Variants in APOL1 observed in about 807,000 individuals in gnomAD.
APOL1 encodes the protein apolipoprotein L1.
A neutral mutation model predicts 14.9 loss-of-function variants in APOL1; 17 were observed. The observed-to-expected ratio is 1.14, with a 90% CI of 0.78 to 1.71. The LOEUF (loss-of-function observed/expected upper bound fraction) is 1.71, where lower values mean the gene tolerates loss of function less well. Ranked by LOEUF, APOL1 falls within the 40% of genes most tolerant of loss-of-function variation. The probability of loss-of-function intolerance (pLI) is 0.00; values close to 1 mark genes in which losing one functional copy is unlikely to be tolerated. For synonymous variants in APOL1, 195 were observed against 184.8 expected (o/e 1.05, Z -0.45); for missense variants, 523 against 485.9 (o/e 1.08, Z -0.72).
At chr22:36,257,602 A>G (rs1459273512) in intron 4 of APOL1, 195 bp downstream of exon 4, 6 of 556,248 alleles carry the variant, frequency 1.1e-5, no homozygotes, top group East Asian at 3.0e-5. Flanking sequence ...ACCTCTCCTT[A>G]GGGTGACACG....
In APOL1 at chr22:36,265,676, G is replaced by T; in HGVS notation, c.840G>T (p.Gly280=). 6.2e-7 allele frequency: 1 copy of T among 1,605,172 alleles called. No homozygotes were observed. The highest frequency in any genetic ancestry group is 1.7e-4 in the Middle Eastern group (1 of 6,008). ...CTTACCAACTCACACGAGGCATTGGGAAGGACATCCGTGCCCTCAGACGAG... is the reference window on the plus strand; with the variant it reads ...CTTACCAACTCACACGAGGCATTGGTAAGGACATCCGTGCCCTCAGACGAG... ...GNTYQLTRGI[G]KDIRALRRAR... is the part of the protein sequence containing the mutation. The change falls in exon 6 of 6, where the codon GGG becomes GGT. Residue 280 remains glycine, a synonymous_variant. Coordinates refer to ENST00000397278, the MANE Select transcript of APOL1 (RefSeq NM_003661.4).
At chr22:36,263,827 C>T (rs983924407) in intron 5 of APOL1, among the ~76,000 whole-genome samples, 1 of 151,972 alleles carries the variant, frequency 6.6e-6, no homozygotes, top group Non-Finnish European at 1.5e-5. Flanking sequence ...AGGGTGGGGG[C>T]GGGAGATGGA....
chr22:36,255,056 A>C (rs990948412), intron 2 of APOL1, 57 bp downstream of exon 2: 56 of 1,571,936 alleles, frequency 3.6e-5, no homozygotes, highest in Non-Finnish European at 4.3e-5. Context: ...TGGGCTGCAC[A>C]ATTGGACTGG....
At position 36,266,346 on chromosome 22, in the gene APOL1, C is replaced by T; in HGVS notation, c.*313C>T. 2.5e-6 allele frequency: 1 copy of T among 399,288 alleles called. No homozygotes were observed. The highest frequency in any genetic ancestry group is 4.4e-6 in the Non-Finnish European group (1 of 225,980). The allele number at this position is 399,288 out of a possible 1,614,324, so 24.7% of individuals were successfully genotyped here. A position where few individuals can be genotyped will look rare whatever the true frequency, so the allele number is the denominator to read the frequency against. ...CCTCTTGATCTGCCCACCTTGGCCT[C>T]CCAAAGTGCTGGGATTACAGGCGTG... On this transcript the variant is annotated 3_prime_UTR_variant, in exon 6 of 6. Coordinates refer to ENST00000397278, the MANE Select transcript of APOL1 (RefSeq NM_003661.4).
chr22:36,253,301 C>A, intron 1 of APOL1, 82 bp downstream of exon 1: 1 of 281,330 alleles, frequency 3.6e-6, no homozygotes. Flanking sequence ...GTGACTGGTT[C>A]AGATAGACAG....
At chr22:36,254,756 G>C (rs1162918126) in intron 1 of APOL1, 181 bp from the exon 2 acceptor site, 2 of 645,422 alleles carry the variant, frequency 3.1e-6, no homozygotes, top group African/African-American at 1.8e-5. Flanking sequence ...CCAGCTACTC[G>C]GGAGGCTGAG....
intron 2 of APOL1, among the ~76,000 whole-genome samples, chr22:36,255,895 C>A (rs1319132539): frequency 6.6e-6 from 1 of 151,548 alleles, no homozygotes; most frequent in East Asian, 1.9e-4. Context: ...TTGTACCCTC[C>A]CTCTATCTCT....
At chr22:36,254,180 CTGAG>C (rs1388456294) in intron 1 of APOL1, among the ~76,000 whole-genome samples, 3 of 151,988 alleles carry the variant, frequency 2.0e-5, no homozygotes, top group African/African-American at 4.9e-5. Flanking sequence ...CCCTCCCAGC[CTGAG>C]TATTTTCCCC....
At chr22:36,261,421 C>T (rs1255040406) in intron 4 of APOL1, among the ~76,000 whole-genome samples, 175 bp from the exon 5 acceptor site, 2 of 152,120 alleles carry the variant, frequency 1.3e-5, no homozygotes, top group Non-Finnish European at 2.9e-5. Context: ...GAGTTTAAAG[C>T]TTCAGCATAT....
rs193117331 is a variant in APOL1, at chr22:36,257,243, C to T, written c.99-76C>T. 159 of 1,601,570 alleles carry T rather than the reference C, an allele frequency of 9.9e-5. No individual in the cohort carries two copies. In the African/African-American group the frequency reaches 2.0e-3, roughly 20 times the overall value. The stretch of plus-strand genomic sequence containing the variant: ...CACCCCAGAGAGATTTGCAGAGCCC[C>T]GGCTGCTCAAGCAAGCCTCCCTCTG... On this transcript the variant is annotated intron_variant, in intron 3 of 5. Coordinates refer to ENST00000397278, the MANE Select transcript of APOL1 (RefSeq NM_003661.4).
chr22:36,253,982 C>T (rs781441702), intron 1 of APOL1: 2 of 1,614,166 alleles, frequency 1.2e-6, no homozygotes, highest in Non-Finnish European at 8.5e-7. Context: ...AAAAGCCACA[C>T]TGTGGAATTG....
Position 36,265,296 on chromosome 22 carries a change from A to T in APOL1, c.460A>T (p.Asn154Tyr), listed in dbSNP as rs757814781. 68 of 1,613,728 alleles carry T rather than the reference A, an allele frequency of 4.2e-5. No homozygotes were observed. The highest frequency in any genetic ancestry group is 4.6e-5 in the Non-Finnish European group (54 of 1,179,918). The change falls in exon 6 of 6, where the codon AAC becomes TAC. Residue 154 changes from asparagine to tyrosine, a missense_variant. Transcript: ENST00000397278. ...TCGGTTGAAAAGTGAGCTTGAGGAT[A>T]ACATAAGAAGGCTCCGTGCCCTTGC... The part of the protein sequence containing the change: ...FPRLKSELED[N>Y]IRRLRALADG...
Position 36,265,257 on chromosome 22 carries a change from C to A in APOL1, c.421C>A (p.Leu141Met), listed in dbSNP as rs1437664194. ...AGGCCAGCAGTACAGAAACTGGTTT[C>A]TGAAAGAGTTTCCTCGGTTGAAAAG... ...DKGQQYRNWF[L>M]KEFPRLKSEL... The change falls in exon 6 of 6, where the codon CTG becomes ATG. Residue 141 changes from leucine (L) to methionine (M), a missense_variant. By Grantham distance (15) the Leu-to-Met change is conservative (BLOSUM62 2). Coordinates refer to ENST00000397278, the MANE Select transcript of APOL1 (RefSeq NM_003661.4). The A allele has an allele frequency of 5.0e-6, 8 of 1,614,130 alleles. No homozygotes were observed. The South Asian group carries it at 8.8e-5, about 18-fold the overall frequency.
intron 5 of APOL1, among the ~76,000 whole-genome samples, chr22:36,262,809 T>C (rs4419330): frequency 0.087 from 13,300 of 152,228 alleles, 870 homozygotes; most frequent in African/African-American, 0.18. Flanking sequence ...TTTGAGACCT[T>C]CTTCTCTTCT....
chr22:36,255,656 T>C (rs930546179), intron 2 of APOL1, among the ~76,000 whole-genome samples: 1 of 149,830 alleles, frequency 6.7e-6, no homozygotes, highest in Non-Finnish European at 1.5e-5. Context: ...GGGGCTTTAG[T>C]ATGAGAGCTG....
chr22:36,259,588 G>A (rs1603482094), intron 4 of APOL1: 8 of 1,227,240 alleles, frequency 6.5e-6, no homozygotes, highest in East Asian at 5.8e-5. Flanking sequence ...AGCCGACCCC[G>A]GAATCCTTAC....
chr22:36,265,778 C>T lies in APOL1; in HGVS notation c.942C>T (p.Ser314=), dbSNP rs373769675. 17 of 1,614,052 alleles carry T rather than the reference C, an allele frequency of 1.1e-5. No individual in the cohort carries two copies. The highest frequency in any genetic ancestry group is 1.3e-5 in the African/African-American group (1 of 74,920). Residue 314 remains serine (S), a synonymous_variant, in exon 6 of 6, where the codon AGC becomes AGT. Coordinates refer to ENST00000397278, the MANE Select transcript of APOL1 (RefSeq NM_003661.4). ...PRVTEPISAE[S]GEQVERVNEP... ...TCACTGAGCCAATCTCAGCTGAAAGCGGTGAACAGGTGGAGAGGGTTAATG... is the reference window on the plus strand; with the variant it reads ...TCACTGAGCCAATCTCAGCTGAAAGTGGTGAACAGGTGGAGAGGGTTAATG...
intron 4 of APOL1, chr22:36,257,700 G>C (rs548849529): frequency 2.3e-5 from 7 of 305,742 alleles, no homozygotes; most frequent in South Asian, 3.8e-5. Context: ...AATCAGCGGG[G>C]GGGGGGGGGA....
chr22:36,260,021 G>A, intron 4 of APOL1: 1 of 1,008,320 alleles, frequency 9.9e-7, no homozygotes, highest in Non-Finnish European at 1.3e-6. Flanking sequence ...ATTGGCCTTG[G>A]AGTCAAATCC....
Sources: allele counts gnomAD v4.1 joint callset (sites outside exome capture counted in the v4.1 genomes callset), GRCh38; gene constraint gnomAD v4.1.1; transcripts MANE v1.5; gene names NCBI Gene and HGNC (gene_info 2026-07-23, HGNC 2026-07-21).